TCF4: variants seen among roughly 807,000 people sequenced by gnomAD.
The protein encoded by TCF4 is SL3-3 enhancer factor 2.
Under a neutral mutation model 82.1 loss-of-function variants are expected in TCF4, and 3 were observed. That is an observed-to-expected ratio of 0.04 (90% confidence interval 0.02 to 0.09). TCF4 has a LOEUF of 0.09. Ranked by LOEUF, TCF4 falls within the 10% of genes least tolerant of loss-of-function variation. The pLI is 1.00. For missense variants in TCF4, 518 were observed against 852.7 expected (o/e 0.61, Z 4.89); for synonymous variants, 276 against 309.6 (o/e 0.89, Z 1.14).
intron 6 of TCF4, among the ~76,000 whole-genome samples, chr18:55,395,614 T>C (rs1001573661): frequency 7.2e-5 from 11 of 152,222 alleles, no homozygotes; most frequent in Non-Finnish European, 1.5e-4. Context: ...CGAAAAATTA[T>C]TGGGGCATAT....
chr18:55,538,804 A>T lies in TCF4; in HGVS notation c.145+46476T>A, dbSNP rs183719027. 1.4e-4 allele frequency among the ~76,000 whole-genome samples: 21 copies of T among 152,298 alleles called. No homozygotes were observed. In the East Asian group the frequency reaches 3.7e-3, roughly 27 times the overall value. On this transcript the variant is annotated intron_variant, in intron 3 of 19. Transcript: ENST00000354452. ...TCTAGATGGCTGTATATCTATCTTT[A>T]AAAAAATTGTAAGATTTTACAGGCG...
intron 8 of TCF4, among the ~76,000 whole-genome samples, chr18:55,290,374 T>A (rs1208563736): frequency 6.6e-6 from 1 of 152,160 alleles, no homozygotes. Flanking sequence ...GTTTCCACAG[T>A]CACAAACCCA....
chr18:55,518,534 A>G (rs976021728), intron 3 of TCF4, among the ~76,000 whole-genome samples: 1 of 152,190 alleles, frequency 6.6e-6, no homozygotes, highest in Non-Finnish European at 1.5e-5. Flanking sequence ...TGTATATGAA[A>G]AAATGACACA....
At chr18:55,483,087 T>C (rs1321086929) in intron 3 of TCF4, 2 of 152,292 alleles carry the variant, frequency 1.3e-5, no homozygotes, top group East Asian at 3.9e-4. Flanking sequence ...CCACCCTCAG[T>C]ACCCAGCACG....
At chr18:55,279,080 AG>A (rs1195856710) in intron 9 of TCF4, among the ~76,000 whole-genome samples, 4 of 152,214 alleles carry the variant, frequency 2.6e-5, no homozygotes, top group Non-Finnish European at 5.9e-5. Flanking sequence ...AGTCTGTGGT[AG>A]GTTACTTCAT....
intron 2 of TCF4, among the ~76,000 whole-genome samples, chr18:55,612,521 T>G (rs895987073): frequency 2.0e-5 from 3 of 152,126 alleles, no homozygotes; most frequent in African/African-American, 7.2e-5. Context: ...AATCATGATA[T>G]GTAGCTCACT....
intron 3 of TCF4, chr18:55,469,473 TAATA>T (rs1472271158): frequency 2.0e-5 from 3 of 151,658 alleles, no homozygotes; most frequent in Middle Eastern, 3.4e-3. Context: ...AAAAAAAAAA[TAATA>T]AATAAAGTAT....
upstream of TCF4, chr18:55,588,218 C>CT: frequency 1.5e-6 from 2 of 1,377,952 alleles, no homozygotes. Flanking sequence ...ATCCCTGACT[C>CT]TTAACACCAA....
At chr18:55,369,231 T>G (rs1160542119) in intron 6 of TCF4, among the ~76,000 whole-genome samples, 1 of 152,190 alleles carries the variant, frequency 6.6e-6, no homozygotes, top group Non-Finnish European at 1.5e-5. Flanking sequence ...TTTTGAAACT[T>G]AAGGAAAGAG....
At chr18:55,531,118 A>C in intron 3 of TCF4, among the ~76,000 whole-genome samples, 1 of 151,518 alleles carries the variant, frequency 6.6e-6, no homozygotes, top group East Asian at 1.9e-4. Context: ...CACCCAGCTA[A>C]TTTTTTTGTA....
chr18:55,348,571 T>C (rs2081665003), intron 8 of TCF4, among the ~76,000 whole-genome samples: 2 of 152,184 alleles, frequency 1.3e-5, no homozygotes, highest in African/African-American at 4.8e-5. Context: ...TAAATTGTCT[T>C]AACAGCAAAG....
chr18:55,625,993 T>G (rs1454612199), intron 2 of TCF4, among the ~76,000 whole-genome samples: 1 of 152,180 alleles, frequency 6.6e-6, no homozygotes, highest in East Asian at 1.9e-4. Flanking sequence ...TCCTATTAAT[T>G]TCTATCAAAA....
At chr18:55,527,696 T>A (rs1342815212) in intron 3 of TCF4, among the ~76,000 whole-genome samples, 1 of 152,214 alleles carries the variant, frequency 6.6e-6, no homozygotes, top group Non-Finnish European at 1.5e-5. Context: ...TCAAAGTTAT[T>A]GAAAAAGAGA....
intron 8 of TCF4, among the ~76,000 whole-genome samples, chr18:55,292,829 A>G (rs1188796518): frequency 1.3e-5 from 2 of 151,998 alleles, no homozygotes. Context: ...CCCACATTAT[A>G]CATCTTTATA....
intron 5 of TCF4, chr18:55,404,015 TA>T: frequency 8.4e-7 from 1 of 1,196,460 alleles, no homozygotes; most frequent in Non-Finnish European, 1.0e-6. Context: ...CTCTCTTTTT[TA>T]AAAACTCCCT....
intron 5 of TCF4, among the ~76,000 whole-genome samples, chr18:55,455,229 A>G (rs1325001226): frequency 6.6e-6 from 1 of 150,932 alleles, no homozygotes; most frequent in Non-Finnish European, 1.5e-5. Flanking sequence ...AAGGAGAAGT[A>G]GAAGAAGAAA....
intron 3 of TCF4, among the ~76,000 whole-genome samples, chr18:55,537,135 G>GAA (rs80209921): frequency 1.2e-5 from 1 of 85,582 alleles, no homozygotes; most frequent in Non-Finnish European, 2.5e-5. Context: ...CTCCGTCTCG[G>GAA]AAAAAAAAAA....
At chr18:55,237,490 GAC>G (rs766343868) in intron 15 of TCF4, among the ~76,000 whole-genome samples, 108 of 128,822 alleles carry the variant, frequency 8.4e-4, no homozygotes, top group Non-Finnish European at 1.4e-3. Flanking sequence ...TTTTTTTGGA[GAC>G]AGAGTCTTGC....
chr18:55,582,295 A>G (rs1159513495), intron 3 of TCF4, among the ~76,000 whole-genome samples: 1 of 152,164 alleles, frequency 6.6e-6, no homozygotes, highest in African/African-American at 2.4e-5. Context: ...GATCAATGAT[A>G]TAACGGATAT....
Sources: gnomAD v4.1 joint callset for allele counts (sites outside exome capture counted in the v4.1 genomes callset) on GRCh38, gnomAD v4.1.1 for gene constraint, MANE v1.5 for transcripts, NCBI Gene and HGNC (gene_info 2026-07-23, HGNC 2026-07-21) for gene names.